Variants in MAML2 observed in about 807,000 individuals in gnomAD.
MAML2 encodes mastermind like transcriptional coactivator 2.
In MAML2, 22 loss-of-function variants were observed where a neutral mutation model predicts 96.1. The ratio of observed to expected loss-of-function variants is 0.23; its 90% CI spans 0.16 to 0.33. The LOEUF (loss-of-function observed/expected upper bound fraction) is 0.33, where lower values mean the gene tolerates loss of function less well. Among genes scored for constraint, MAML2 ranks in the 10% least tolerant of loss-of-function variants. MAML2 has a pLI of 1.00. For missense variants in MAML2, 1,367 were observed against 1,392.4 expected, an observed-to-expected ratio of 0.98 and a Z score of 0.29; for synonymous variants, 561 against 521.3, an observed-to-expected ratio of 1.08 and a Z score of -1.04.
In MAML2 at chr11:96,091,874, G is replaced by T; in HGVS notation, c.2139+18C>A. On this transcript the variant is annotated intron_variant, in intron 2 of 4. Transcript: ENST00000524717. ...ATGGTCTCTGGGAACTCTGTATTTG[G>T]AGTAGTAGAGCCCTTACCTGTCTCT... is the stretch of plus-strand genomic sequence containing the variant. 6.2e-7 allele frequency: 1 copy of T among 1,605,406 alleles called. No individual in the cohort carries two copies. The highest frequency in any genetic ancestry group is 1.3e-5 in the African/African-American group (1 of 74,826).
chr11:96,337,206 G>A (rs542812441), intron 1 of MAML2, among the ~76,000 whole-genome samples: 22 of 152,106 alleles, frequency 1.4e-4, no homozygotes, highest in Non-Finnish European at 2.8e-4. Flanking sequence ...AGGAAATGAT[G>A]GCTGCATATA....
intron 1 of MAML2, among the ~76,000 whole-genome samples, chr11:96,224,067 G>T (rs1205447363): frequency 2.6e-5 from 4 of 152,088 alleles, no homozygotes; most frequent in Non-Finnish European, 4.4e-5. Flanking sequence ...TTGTCATTCT[G>T]CCACTCACTA....
chr11:96,075,471 A>G (rs182418350), intron 2 of MAML2, among the ~76,000 whole-genome samples: 9 of 152,288 alleles, frequency 5.9e-5, no homozygotes, highest in African/African-American at 2.2e-4. Flanking sequence ...CAGGGCAGGG[A>G]TTCTATCTTC....
chr11:96,002,231 C>CATAGATGT (rs1451968151), intron 2 of MAML2, among the ~76,000 whole-genome samples: 2 of 152,124 alleles, frequency 1.3e-5, no homozygotes, highest in African/African-American at 2.4e-5. Context: ...GCAGACTCTC[C>CATAGATGT]ATAGATGTTT....
chr11:96,194,224 G>A (rs1861698343), intron 1 of MAML2, among the ~76,000 whole-genome samples: 1 of 152,232 alleles, frequency 6.6e-6, no homozygotes, highest in African/African-American at 2.4e-5. Context: ...GGGGTGGGCA[G>A]TCTGGGGAGT....
At chr11:96,143,566 G>T (rs562601491) in intron 1 of MAML2, among the ~76,000 whole-genome samples, 1 of 152,130 alleles carries the variant, frequency 6.6e-6, no homozygotes, top group Non-Finnish European at 1.5e-5. Context: ...ACTTTGGTCC[G>T]TGGGTTTCTG....
At chr11:96,329,757 A>G (rs1863830107) in intron 1 of MAML2, among the ~76,000 whole-genome samples, 1 of 152,220 alleles carries the variant, frequency 6.6e-6, no homozygotes, top group South Asian at 2.1e-4. Context: ...CAGTATGACT[A>G]TATCACTCCT....
intron 2 of MAML2, among the ~76,000 whole-genome samples, chr11:96,083,732 C>T (rs1482878804): frequency 2.0e-5 from 3 of 152,054 alleles, no homozygotes; most frequent in African/African-American, 7.2e-5. Context: ...GTTTTGGGTC[C>T]CTGCAACATA....
intron 3 of MAML2, among the ~76,000 whole-genome samples, chr11:95,988,566 C>T (rs1857864617): frequency 1.4e-5 from 2 of 147,254 alleles, no homozygotes; most frequent in Admixed American, 6.8e-5. Context: ...TATATATTTA[C>T]ATTATTATAT....
At chr11:96,196,397 C>T (rs1425133765) in intron 1 of MAML2, among the ~76,000 whole-genome samples, 1 of 152,178 alleles carries the variant, frequency 6.6e-6, no homozygotes, top group East Asian at 1.9e-4. Context: ...AACATAAAAC[C>T]CCTCCTCTTG....
At chr11:96,084,265 A>G (rs555780126) in intron 2 of MAML2, among the ~76,000 whole-genome samples, 1 of 152,246 alleles carries the variant, frequency 6.6e-6, no homozygotes, top group Admixed American at 6.5e-5. Context: ...ATGGAGTTGG[A>G]CTTTCTCCTG....
intron 1 of MAML2, among the ~76,000 whole-genome samples, chr11:96,279,491 G>A (rs1053122813): frequency 1.3e-5 from 2 of 152,038 alleles, no homozygotes; most frequent in East Asian, 3.9e-4. Context: ...AAATTACAAG[G>A]GACTATGCAG....
Position 96,097,224 on chromosome 11 carries a change from T to C in MAML2, c.514-3707A>G, listed in dbSNP as rs549180760. On this transcript the variant is annotated intron_variant, in intron 1 of 4. Transcript: ENST00000524717. ...AGCAACAGAGGAGGAAAACAGTCAA[T>C]AATACCTCAAGGACAAATAGCTTAT... Among the ~76,000 whole-genome samples, 35 of 152,292 alleles carry C rather than the reference T, an allele frequency of 2.3e-4. No individual in the cohort carries two copies. In the South Asian group the frequency reaches 2.5e-3, roughly 11 times the overall value.
chr11:96,199,974 A>G (rs2135929280), intron 1 of MAML2, among the ~76,000 whole-genome samples: 1 of 152,356 alleles, frequency 6.6e-6, no homozygotes, highest in South Asian at 2.1e-4. Context: ...CTGGGAAGGG[A>G]ATCACTTAAC....
chr11:96,280,654 T>C (rs1456986915), intron 1 of MAML2, among the ~76,000 whole-genome samples: 4 of 152,212 alleles, frequency 2.6e-5, no homozygotes, highest in Non-Finnish European at 5.9e-5. Context: ...CTCACTGCCT[T>C]ACCCCACAGC....
At chr11:96,200,865 T>G (rs16923247) in intron 1 of MAML2, among the ~76,000 whole-genome samples, 2,414 of 152,140 alleles carry the variant, frequency 0.016, 70 homozygotes, top group African/African-American at 0.053. Context: ...TCACATACCA[T>G]GAACCAAGAG....
intron 2 of MAML2, among the ~76,000 whole-genome samples, chr11:96,004,788 T>C (rs1591086557): frequency 6.6e-6 from 1 of 152,174 alleles, no homozygotes; most frequent in Non-Finnish European, 1.5e-5. Context: ...AATAAGATCA[T>C]GTAAATAAAA....
chr11:96,181,100 T>A (rs1024849894), intron 1 of MAML2, among the ~76,000 whole-genome samples: 2 of 152,120 alleles, frequency 1.3e-5, no homozygotes, highest in Admixed American at 1.3e-4. Flanking sequence ...TATCATCAGT[T>A]AAGGTGGGGC....
intron 2 of MAML2, among the ~76,000 whole-genome samples, chr11:96,002,395 A>G (rs575930811): frequency 6.6e-6 from 1 of 152,366 alleles, no homozygotes; most frequent in East Asian, 1.9e-4. Context: ...AGGTTGAGCA[A>G]CATTTTTGAA....
Sources: allele counts gnomAD v4.1 joint callset (sites outside exome capture counted in the v4.1 genomes callset), GRCh38; gene constraint gnomAD v4.1.1; transcripts MANE v1.5; gene names NCBI Gene and HGNC (gene_info 2026-07-23, HGNC 2026-07-21).